Variants in MYF5 observed in about 807,000 individuals in gnomAD.
MYF5 encodes class C basic helix-loop-helix protein 2.
In MYF5, 20 loss-of-function variants were observed where a neutral mutation model predicts 22.3. The observed-to-expected ratio is 0.90, with a 90% CI of 0.63 to 1.30. The LOEUF (loss-of-function observed/expected upper bound fraction) is 1.30. MYF5 is among the 50% of genes most tolerant of loss of function. The pLI is 0.00. For missense variants in MYF5, 348 were observed against 325.9 expected (o/e 1.07, Z -0.52); for synonymous variants, 141 against 128.4 (o/e 1.10, Z -0.66).
intron 2 of MYF5, 140 bp downstream of exon 2, chr12:80,718,573 A>G (rs1435801667): frequency 5.1e-6 from 4 of 782,822 alleles, no homozygotes; most frequent in Non-Finnish European, 8.5e-6. Context: ...GGTAAAGCAA[A>G]ATAAACACAT....
chr12:80,718,874 T>A lies in MYF5; in HGVS notation c.591T>A (p.Asp197Glu). ...TTGTATCCTTAGTATATGCCACAGA[T>A]AAAAACTCCTTATCCAGCTTGGATT... is the stretch of plus-strand genomic sequence containing the variant. ...CPDVSNVYATDKNSLSSLDCL... is the reference protein window; with the variant it reads ...CPDVSNVYATEKNSLSSLDCL... Residue 197 changes from aspartate (D) to glutamate (E), a missense_variant, in exon 3 of 3, where the codon GAT becomes GAA. Coordinates refer to ENST00000228644, the MANE Select transcript of MYF5 (RefSeq NM_005593.3). 6.2e-7 allele frequency: 1 copy of A among 1,613,252 alleles called. No individual in the cohort carries two copies. The highest frequency in any genetic ancestry group is 1.3e-5 in the African/African-American group (1 of 75,022).
rs1592805936 is a variant in MYF5, at chr12:80,717,113, A to G, written c.50A>G (p.Asp17Gly). 1 of 1,612,590 alleles carries G rather than the reference A, an allele frequency of 6.2e-7. No homozygotes were observed. The highest frequency in any genetic ancestry group is 1.1e-5 in the South Asian group (1 of 91,082). ...TTCTCACCTTCTGAGTACTTCTACG[A>G]CGGCTCCTGCATACCGTCCCCCGAG... ...CQFSPSEYFY[D>G]GSCIPSPEGE... The change falls in exon 1 of 3, where the codon GAC becomes GGC. Residue 17 changes from aspartate (D) to glycine (G), a missense_variant. Transcript: ENST00000228644.
Position 80,717,164 on chromosome 12 carries a change from C to T in MYF5, c.101C>T (p.Pro34Leu). The change falls in exon 1 of 3, where the codon CCG (proline) becomes CTG (leucine). Residue 34 changes from proline (P) to leucine (L), a missense_variant. Physicochemically the swap from Pro to Leu is moderately conservative, Grantham distance 98. Coordinates refer to ENST00000228644, the MANE Select transcript of MYF5 (RefSeq NM_005593.3). ...PEGEFGDEFV[P>L]RVAAFGAHKA... is the part of the protein sequence containing the mutation. ...GGTGAATTTGGGGACGAGTTTGTGC[C>T]GCGAGTGGCTGCCTTCGGAGCGCAC... 2 of 1,613,984 alleles carry T rather than the reference C, an allele frequency of 1.2e-6. No individual in the cohort carries two copies. Among genetic ancestry groups the T allele is most frequent in the Non-Finnish European group, 1.7e-6 (2 of 1,180,012 alleles).
In MYF5 at chr12:80,719,137, A is replaced by G; in HGVS notation, c.*86A>G. The stretch of plus-strand genomic sequence containing the variant: ...CTTCAAAAAGTCCCAAACCAAGACA[A>G]CATGTACATAAAGATTTCTTTTCAG... On this transcript the variant is annotated 3_prime_UTR_variant, in exon 3 of 3. Coordinates refer to ENST00000228644, the MANE Select transcript of MYF5 (RefSeq NM_005593.3). The G allele has an allele frequency of 9.2e-7, 1 of 1,081,190 alleles. No homozygotes were observed. The allele number at this position is 1,081,190 out of a possible 1,614,324, so 67.0% of individuals were successfully genotyped here.
In MYF5 at chr12:80,718,382, T is replaced by A. The variant is rs1295929760; in HGVS notation, c.526T>A (p.Ser176Thr). 24 of 1,613,996 alleles carry A rather than the reference T, an allele frequency of 1.5e-5. No homozygotes were observed. Among genetic ancestry groups the A allele is most frequent in the Non-Finnish European group, 2.0e-5 (24 of 1,179,942 alleles). ...GMPECNSPVW[S>T]RKSSTFDSIY... ...GCCCGAATGTAACAGTCCTGTCTGG[T>A]CCAGAAAGAGCAGTACTTTTGACAG... Residue 176 changes from serine to threonine, a missense_variant, in exon 2 of 3, where the codon TCC becomes ACC. By Grantham distance (58) the Ser-to-Thr change is moderately conservative. Coordinates refer to ENST00000228644, the MANE Select transcript of MYF5 (RefSeq NM_005593.3).
In MYF5 at chr12:80,719,611, A is replaced by C. The variant is rs1868698859; in HGVS notation, c.*560A>C. The C allele has an allele frequency of 6.6e-6, 1 of 152,124 alleles. No individual in the cohort carries two copies. The highest frequency in any genetic ancestry group is 1.5e-5 in the Non-Finnish European group (1 of 67,996). The allele number at this position is 152,124 out of a possible 1,614,324, so 9.4% of individuals were successfully genotyped here. ...AGCACAAAATAGTACTTTGTGGATC[A>C]TTTCAAGATATAAGAAATTTTGGAA... On this transcript the variant is annotated 3_prime_UTR_variant, in exon 3 of 3. Transcript: ENST00000228644.
At position 80,719,568 on chromosome 12, in the gene MYF5, A is replaced by T. The variant is rs914271205; in HGVS notation, c.*517A>T. On this transcript the variant is annotated 3_prime_UTR_variant, in exon 3 of 3. Coordinates refer to ENST00000228644, the MANE Select transcript of MYF5 (RefSeq NM_005593.3). ...ATATTTTGATCTTTTCTTGTAAGAA[A>T]TGTATCTTTTAAATGTAAGCACAAA... 4.6e-5 allele frequency: 7 copies of T among 152,116 alleles called. No homozygotes were observed. The highest frequency in any genetic ancestry group is 1.0e-4 in the Non-Finnish European group (7 of 67,982). The allele number at this position is 152,116 out of a possible 1,614,324, so 9.4% of individuals were successfully genotyped here.
chr12:80,717,766 T>C (rs1296892584), intron 1 of MYF5, among the ~76,000 whole-genome samples: 1 of 152,188 alleles, frequency 6.6e-6, no homozygotes, highest in Non-Finnish European at 1.5e-5. Flanking sequence ...AGGTTCTAGG[T>C]GTACACTGTA....
In MYF5 at chr12:80,717,291, G is replaced by T. The variant is rs1036601587; in HGVS notation, c.228G>T (p.Lys76Asn). The T allele has an allele frequency of 6.2e-7, 1 of 1,614,096 alleles. No individual in the cohort carries two copies. The highest frequency in any genetic ancestry group is 8.5e-7 in the Non-Finnish European group (1 of 1,180,022). Residue 76 changes from lysine (K) to asparagine (N), a missense_variant, in exon 1 of 3, where the codon AAG becomes AAT. Transcript: ENST00000228644. ...HCLMWACKACKRKSTTMDRRK... is the reference protein window; with the variant it reads ...HCLMWACKACNRKSTTMDRRK... ...TCATGTGGGCCTGCAAAGCCTGCAA[G>T]AGGAAGTCCACCACCATGGATCGGC...
At chr12:80,717,982 T>C (rs962932490) in intron 1 of MYF5, among the ~76,000 whole-genome samples, 2 of 152,212 alleles carry the variant, frequency 1.3e-5, no homozygotes, top group African/African-American at 4.8e-5. Context: ...TGAAAGATGT[T>C]GATGCATTCT....
intron 1 of MYF5, among the ~76,000 whole-genome samples, chr12:80,718,066 A>G (rs1365653557): frequency 6.6e-6 from 1 of 152,128 alleles, no homozygotes; most frequent in African/African-American, 2.4e-5. Flanking sequence ...CTTTCCCTGA[A>G]TTAGTGTGGC....
In MYF5 at chr12:80,719,140, T is replaced by G; in HGVS notation, c.*89T>G. ...CAAAAAGTCCCAAACCAAGACAACA[T>G]GTACATAAAGATTTCTTTTCAGTTG... On this transcript the variant is annotated 3_prime_UTR_variant, in exon 3 of 3. Coordinates refer to ENST00000228644, the MANE Select transcript of MYF5 (RefSeq NM_005593.3). 1 of 1,071,296 alleles carries G rather than the reference T, an allele frequency of 9.3e-7. No homozygotes were observed. The highest frequency in any genetic ancestry group is 1.3e-6 in the Non-Finnish European group (1 of 755,406). The allele number at this position is 1,071,296 out of a possible 1,614,324, so 66.4% of individuals were successfully genotyped here. A position where few individuals can be genotyped will look rare whatever the true frequency, so the allele number is the denominator to read the frequency against.
At position 80,718,402 on chromosome 12, in the gene MYF5, T is replaced by C; in HGVS notation, c.546T>C (p.Phe182=). The change falls in exon 2 of 3, where the codon TTT becomes TTC. Residue 182 remains phenylalanine, a synonymous_variant. Transcript: ENST00000228644. ...SPVWSRKSST[F]DSIYCPDVSN... is the part of the protein sequence containing the mutation. The stretch of plus-strand genomic sequence containing the variant: ...TCTGGTCCAGAAAGAGCAGTACTTT[T>C]GACAGCATCTACTGTCCTGATGTAT... The C allele has an allele frequency of 6.2e-7, 1 of 1,614,040 alleles. No homozygotes were observed. The highest frequency in any genetic ancestry group is 2.2e-5 in the East Asian group (1 of 44,878).
At chr12:80,718,575 T>TTTGG in intron 2 of MYF5, 142 bp downstream of exon 2, 1 of 771,662 alleles carries the variant, frequency 1.3e-6, no homozygotes, top group Non-Finnish European at 2.2e-6. Flanking sequence ...TAAAGCAAAA[T>TTTGG]AAACACATCT....
In MYF5 at chr12:80,718,544, G is replaced by T. The variant is rs1433478605; in HGVS notation, c.577+111G>T. 4.0e-6 allele frequency: 4 copies of T among 1,007,470 alleles called. No homozygotes were observed. In the South Asian group the frequency reaches 5.5e-5, roughly 14 times the overall value. 62.4% of individuals were successfully genotyped at this position (1,007,470 alleles called of 1,614,324 possible). On this transcript the variant is annotated intron_variant, in intron 2 of 2. Transcript: ENST00000228644. The stretch of plus-strand genomic sequence containing the variant: ...TGGGGAAGGGAGAATGGAAGTGATG[G>T]TTCTTATAGGGAGGCTTTGGTAAAG...
intron 1 of MYF5, among the ~76,000 whole-genome samples, 181 bp from the exon 2 acceptor site, chr12:80,718,177 A>G (rs1005352337): frequency 2.6e-5 from 4 of 152,094 alleles, no homozygotes; most frequent in African/African-American, 4.8e-5. Context: ...TTCTTCAAGC[A>G]CAGAGATTGA....
chr12:80,718,915 T>A lies in MYF5; in HGVS notation c.632T>A (p.Val211Glu), dbSNP rs762847236. 24 of 1,614,014 alleles carry A rather than the reference T, an allele frequency of 1.5e-5. No individual in the cohort carries two copies. In the Admixed American group the frequency reaches 3.8e-4, roughly 26 times the overall value. ...LSSLDCLSNI[V>E]DRITSSEQPG... ...AGCTTGGATTGCTTATCCAACATAG[T>A]GGACCGGATCACCTCCTCAGAGCAA... The change falls in exon 3 of 3, where the codon GTG (valine) becomes GAG (glutamate). Residue 211 changes from valine (V) to glutamate (E), a missense_variant. Coordinates refer to ENST00000228644, the MANE Select transcript of MYF5 (RefSeq NM_005593.3).
Position 80,719,481 on chromosome 12 carries a change from C to A in MYF5, c.*430C>A, listed in dbSNP as rs1592807425. ...GAATTTTAAATATATTTAACTATTTCTTTTCTCTTTAATCCTTTAGTTATA... is the reference window on the plus strand; with the variant it reads ...GAATTTTAAATATATTTAACTATTTATTTTCTCTTTAATCCTTTAGTTATA... On this transcript the variant is annotated 3_prime_UTR_variant, in exon 3 of 3. Coordinates refer to ENST00000228644, the MANE Select transcript of MYF5 (RefSeq NM_005593.3). 6.6e-6 allele frequency: 1 copy of A among 151,764 alleles called. No homozygotes were observed. Among genetic ancestry groups the A allele is most frequent in the East Asian group, 1.9e-4 (1 of 5,180 alleles). 9.4% of individuals were successfully genotyped at this position (151,764 alleles called of 1,614,324 possible).
chr12:80,718,486 C>T, intron 2 of MYF5, 53 bp downstream of exon 2: 1 of 1,400,308 alleles, frequency 7.1e-7, no homozygotes, highest in Non-Finnish European at 1.0e-6. Context: ...CCTAACAATT[C>T]AGCCTATAAG....
Sources: allele counts gnomAD v4.1 joint callset (sites outside exome capture counted in the v4.1 genomes callset), GRCh38; gene constraint gnomAD v4.1.1; transcripts MANE v1.5; gene names NCBI Gene and HGNC (gene_info 2026-07-23, HGNC 2026-07-21).